The following FGF9 variants were observed in gnomAD, a reference collection of about 807,000 sequenced individuals.
The protein encoded by FGF9 is fibroblast growth factor 9 (glia-activating factor).
In FGF9, 3 loss-of-function variants were observed where a neutral mutation model predicts 19.9. That is an observed-to-expected ratio of 0.15 (90% CI 0.07 to 0.39). The LOEUF is 0.39. FGF9 is among the 10% of genes least tolerant of loss of function. The probability of loss-of-function intolerance (pLI) is 1.00; values close to 1 mark genes in which losing one functional copy is unlikely to be tolerated. For synonymous variants in FGF9, 107 were observed against 106.9 expected (o/e 1.00, Z -0.01); for missense variants, 175 against 256.8 (o/e 0.68, Z 2.18).
chr13:21,672,890 G>A lies in FGF9; in HGVS notation c.277+701G>A, dbSNP rs2138125706. 6.6e-6 allele frequency among the ~76,000 whole-genome samples: 1 copy of A among 152,338 alleles called. No individual in the cohort carries two copies. Among genetic ancestry groups the A allele is most frequent in the African/African-American group, 2.4e-5 (1 of 41,580 alleles). ...TTAAATTTCCATAGTGTGCAGCCCTGTGTAGGTCTCCTGCGTGGCTCTCTG... is the reference window on the plus strand; with the variant it reads ...TTAAATTTCCATAGTGTGCAGCCCTATGTAGGTCTCCTGCGTGGCTCTCTG... On this transcript the variant is annotated intron_variant, in intron 1 of 2. Transcript: ENST00000382353. The surrounding 1 kb of genome is among the most constrained non-coding windows in gnomAD (Gnocchi z 4.2).
In FGF9 at chr13:21,672,122, T is replaced by C. The variant is rs764075237; in HGVS notation, c.210T>C (p.Thr70=). Residue 70 remains threonine, a synonymous_variant, in exon 1 of 3, where the codon ACT becomes ACC. Coordinates refer to ENST00000382353, the MANE Select transcript of FGF9 (RefSeq NM_002010.3). The surrounding 1 kb of genome is among the most constrained non-coding windows in gnomAD (Gnocchi z 4.2). ...ILRRRQLYCR[T]GFHLEIFPNG... is the part of the protein sequence containing the mutation. Reference sequence around the variant, plus strand: ...GGCGGAGGCAGCTATACTGCAGGACTGGATTTCACTTAGAAATCTTCCCCA... The same window carrying C: ...GGCGGAGGCAGCTATACTGCAGGACCGGATTTCACTTAGAAATCTTCCCCA... 2 of 1,614,248 alleles carry C rather than the reference T, an allele frequency of 1.2e-6. No homozygotes were observed. The highest frequency in any genetic ancestry group is 3.3e-5 in the Admixed American group (2 of 60,034).
intron 2 of FGF9, among the ~76,000 whole-genome samples, chr13:21,690,623 A>T (rs777899140): frequency 2.0e-5 from 3 of 152,186 alleles, no homozygotes; most frequent in Non-Finnish European, 2.9e-5. Context: ...CTACTTACTA[A>T]AACTTGCTTG....
At chr13:21,697,725 A>G (rs555886069) in intron 2 of FGF9, among the ~76,000 whole-genome samples, 1 of 151,602 alleles carries the variant, frequency 6.6e-6, no homozygotes, top group Non-Finnish European at 1.5e-5. Context: ...CACGATTGCT[A>G]TTTTCCTGCC....
At chr13:21,675,404 C>T (rs568457232) in intron 1 of FGF9, among the ~76,000 whole-genome samples, 122 of 152,178 alleles carry the variant, frequency 8.0e-4, no homozygotes, top group Non-Finnish European at 1.5e-3. Context: ...GAGCCTCCTA[C>T]CCTCGCCTTC....
Position 21,672,215 on chromosome 13 carries a change from G to A in FGF9, c.277+26G>A, listed in dbSNP as rs1157910508. 3 of 1,613,762 alleles carry A rather than the reference G, an allele frequency of 1.9e-6. No individual in the cohort carries two copies. Among genetic ancestry groups the A allele is most frequent in the Non-Finnish European group, 2.5e-6 (3 of 1,179,724 alleles). ...GTAGGTATACCATTAACCCTTTAGT[G>A]TCCATGAGATGACATGTTGAAATTA... On this transcript the variant is annotated intron_variant, in intron 1 of 2. Coordinates refer to ENST00000382353, the MANE Select transcript of FGF9 (RefSeq NM_002010.3). The surrounding 1 kb of genome is among the most constrained non-coding windows in gnomAD (Gnocchi z 4.2).
chr13:21,685,211 C>T (rs1350056944), intron 2 of FGF9, among the ~76,000 whole-genome samples: 7 of 151,750 alleles, frequency 4.6e-5, no homozygotes, highest in African/African-American at 4.8e-5. Flanking sequence ...TTTTTCTAAA[C>T]GGTTAGAAAC....
chr13:21,699,644 T>C (rs932274369), intron 2 of FGF9, among the ~76,000 whole-genome samples: 1 of 152,234 alleles, frequency 6.6e-6, no homozygotes, highest in Non-Finnish European at 1.5e-5. Context: ...TCTACCCAAC[T>C]GATATCTGTG....
In FGF9 at chr13:21,704,123, A is replaced by G. The variant is rs2138153071; in HGVS notation, c.*2688A>G. 6.6e-6 allele frequency: 1 copy of G among 152,300 alleles called. No individual in the cohort carries two copies. Among genetic ancestry groups the G allele is most frequent in the South Asian group, 2.1e-4 (1 of 4,822 alleles). The allele number at this position is 152,300 out of a possible 1,614,324, so 9.4% of individuals were successfully genotyped here. On this transcript the variant is annotated 3_prime_UTR_variant, in exon 3 of 3. Transcript: ENST00000382353. ...TCTTAAGAGACCCAAAGCCCAGTGA[A>G]TGGCAGCCCTGAGCCACTGTGGAAT...
At chr13:21,698,097 T>C (rs890711932) in intron 2 of FGF9, among the ~76,000 whole-genome samples, 1 of 152,320 alleles carries the variant, frequency 6.6e-6, no homozygotes, top group African/African-American at 2.4e-5. Flanking sequence ...CGTGAGCCAC[T>C]GCGCCCGGCC....
At chr13:21,697,768 A>G (rs538315004) in intron 2 of FGF9, among the ~76,000 whole-genome samples, 1 of 151,068 alleles carries the variant, frequency 6.6e-6, no homozygotes, top group Admixed American at 6.6e-5. Flanking sequence ...GATAAATAGA[A>G]TTATTCAAAA....
At chr13:21,692,909 G>T (rs1872324725) in intron 2 of FGF9, among the ~76,000 whole-genome samples, 1 of 152,134 alleles carries the variant, frequency 6.6e-6, no homozygotes, top group African/African-American at 2.4e-5. Context: ...ATTCTCATGT[G>T]CTGCTCATGA....
chr13:21,685,237 A>G (rs1872132266), intron 2 of FGF9, among the ~76,000 whole-genome samples: 1 of 152,234 alleles, frequency 6.6e-6, no homozygotes, highest in South Asian at 2.1e-4. Context: ...TCATTACGAA[A>G]GAAGGTAAAT....
Position 21,672,917 on chromosome 13 carries a change from TGTGA to T in FGF9, c.277+732_277+735del, listed in dbSNP as rs1871803294. Among the ~76,000 whole-genome samples the T allele has an allele frequency of 6.6e-6, 1 of 152,124 alleles. No homozygotes were observed. On this transcript the variant is annotated intron_variant, in intron 1 of 2. Coordinates refer to ENST00000382353, the MANE Select transcript of FGF9 (RefSeq NM_002010.3). The surrounding 1 kb of genome is among the most constrained non-coding windows in gnomAD (Gnocchi z 4.2). Reference sequence around the variant, plus strand: ...GTAGGTCTCCTGCGTGGCTCTCTGGTGTGAGTGTGTGCGCGCGTGCAAACGCTGC... The same window carrying T: ...GTAGGTCTCCTGCGTGGCTCTCTGGTGTGTGTGCGCGCGTGCAAACGCTGC...
chr13:21,699,551 T>C (rs1872491518), intron 2 of FGF9, among the ~76,000 whole-genome samples: 1 of 152,172 alleles, frequency 6.6e-6, no homozygotes, highest in Admixed American at 6.5e-5. Flanking sequence ...TGATGGGCTG[T>C]TGATTGATTT....
At chr13:21,680,644 A>G (rs1872020803) in intron 1 of FGF9, among the ~76,000 whole-genome samples, 1 of 152,236 alleles carries the variant, frequency 6.6e-6, no homozygotes, top group South Asian at 2.1e-4. Context: ...AATCACAGAC[A>G]GATGCTTAAC....
At chr13:21,688,726 T>G (rs1335347262) in intron 2 of FGF9, among the ~76,000 whole-genome samples, 1 of 151,930 alleles carries the variant, frequency 6.6e-6, no homozygotes, top group African/African-American at 2.4e-5. Flanking sequence ...GTTTTAATAT[T>G]TCTTACACAG....
intron 2 of FGF9, among the ~76,000 whole-genome samples, chr13:21,687,347 C>T (rs543527497): frequency 1.5e-4 from 23 of 152,232 alleles, no homozygotes; most frequent in Admixed American, 2.0e-4. Context: ...AATCCTATAT[C>T]GACTTAGGTT....
chr13:21,701,084 C>T (rs1872529467), intron 2 of FGF9, 106 bp from the exon 3 acceptor site: 11 of 829,540 alleles, frequency 1.3e-5, no homozygotes, highest in Middle Eastern at 3.1e-4. Flanking sequence ...AATAGATAAA[C>T]GTGTGCCAAG....
Position 21,671,705 on chromosome 13 carries a change from T to C in FGF9, c.-208T>C. On this transcript the variant is annotated 5_prime_UTR_variant, in exon 1 of 3. Coordinates refer to ENST00000382353, the MANE Select transcript of FGF9 (RefSeq NM_002010.3). ...AGTATAAAGTGGTGGTTTCTTAGAC[T>C]ATCAGTGGTTTGACCTTGAACCTGT... The C allele has an allele frequency of 1.6e-6, 1 of 624,032 alleles. No homozygotes were observed. The highest frequency in any genetic ancestry group is 2.7e-5 in the East Asian group (1 of 36,810). 38.7% of individuals were successfully genotyped at this position (624,032 alleles called of 1,614,324 possible).
Sources: allele counts gnomAD v4.1 joint callset (sites outside exome capture counted in the v4.1 genomes callset), GRCh38; gene constraint gnomAD v4.1.1; non-coding constraint Gnocchi (gnomAD v3.1); transcripts MANE v1.5; gene names NCBI Gene and HGNC (gene_info 2026-07-23, HGNC 2026-07-21).